Variants in ADAMTSL1 observed in about 807,000 individuals in gnomAD.
ADAMTSL1 encodes the protein ADAMTS like 1, also known as ADAMTS-like protein 1.
Under a neutral mutation model 201.8 loss-of-function variants are expected in ADAMTSL1, and 126 were observed. The ratio of observed to expected loss-of-function variants is 0.62; its 90% CI spans 0.54 to 0.72. The LOEUF (loss-of-function observed/expected upper bound fraction) is 0.72. Among genes scored for constraint, ADAMTSL1 ranks in the 30% least tolerant of loss-of-function variants. The pLI is 0.00. For synonymous variants in ADAMTSL1, 1,121 were observed against 903.4 expected, an observed-to-expected ratio of 1.24 and a Z score of -4.32; for missense variants, 2,679 against 2,277.8, an observed-to-expected ratio of 1.18 and a Z score of -3.59.
intron 2 of ADAMTSL1, among the ~76,000 whole-genome samples, chr9:18,211,004 A>C (rs1436498099): frequency 6.6e-6 from 1 of 151,980 alleles, no homozygotes; most frequent in East Asian, 1.9e-4. Context: ...AGAAGCGACA[A>C]GGTGGGTCTG....
intron 1 of ADAMTSL1, among the ~76,000 whole-genome samples, chr9:18,085,289 C>T (rs1260059765): frequency 7.2e-5 from 11 of 152,016 alleles, no homozygotes; most frequent in South Asian, 6.2e-4. Context: ...ACCAGCTGTG[C>T]GATCTTGGGC....
rs747695906 is a variant in ADAMTSL1, at chr9:18,906,819, G to A, written c.5089G>A (p.Ala1697Thr). The A allele has an allele frequency of 3.7e-6, 6 of 1,613,912 alleles. No individual in the cohort carries two copies. Among genetic ancestry groups the A allele is most frequent in the Non-Finnish European group, 5.1e-6 (6 of 1,179,890 alleles). ...FQSRRVECVH[A>T]RTNKAVPEHL... is the part of the protein sequence containing the mutation. ...GTCCCGGCGTGTGGAGTGTGTGCATGCCCGCACCAACAAGGCAGTGCCTGA... is the reference window on the plus strand; with the variant it reads ...GTCCCGGCGTGTGGAGTGTGTGCATACCCGCACCAACAAGGCAGTGCCTGA... Residue 1697 changes from alanine (A) to threonine (T), a missense_variant, in exon 28 of 29, where the codon GCC (alanine) becomes ACC (threonine). Coordinates refer to ENST00000380548, the MANE Select transcript of ADAMTSL1 (RefSeq NM_001040272.6).
chr9:18,710,738 C>T (rs944572718), intron 14 of ADAMTSL1, among the ~76,000 whole-genome samples: 1 of 146,600 alleles, frequency 6.8e-6, no homozygotes, highest in Non-Finnish European at 1.5e-5. Flanking sequence ...CATTTGGCCA[C>T]CTCAAAGTAG....
At chr9:18,333,034 C>G (rs751954855) in intron 2 of ADAMTSL1, among the ~76,000 whole-genome samples, 1 of 152,188 alleles carries the variant, frequency 6.6e-6, no homozygotes, top group Non-Finnish European at 1.5e-5. Flanking sequence ...TTTCTTTTCT[C>G]TTTCCCACTT....
chr9:18,778,980 C>T (rs1360255767), intron 19 of ADAMTSL1, among the ~76,000 whole-genome samples: 1 of 152,292 alleles, frequency 6.6e-6, no homozygotes, highest in East Asian at 1.9e-4. Context: ...TATTGTTTGA[C>T]TAATAGTCTT....
At chr9:18,186,598 A>G (rs184563690) in intron 2 of ADAMTSL1, among the ~76,000 whole-genome samples, 1 of 152,282 alleles carries the variant, frequency 6.6e-6, no homozygotes, top group Admixed American at 6.5e-5. Context: ...TAAAAAAATT[A>G]TTGCAATATA....
At chr9:18,423,270 A>G (rs1016722359) in intron 2 of ADAMTSL1, among the ~76,000 whole-genome samples, 7 of 152,170 alleles carry the variant, frequency 4.6e-5, no homozygotes, top group African/African-American at 1.7e-4. Context: ...ATGGAAAAAA[A>G]TCATAAATTA....
At chr9:18,542,237 T>C (rs1564031292) in intron 3 of ADAMTSL1, among the ~76,000 whole-genome samples, 1 of 152,188 alleles carries the variant, frequency 6.6e-6, no homozygotes, top group African/African-American at 2.4e-5. Flanking sequence ...TATACATAAT[T>C]GAGTTTTTAT....
chr9:18,399,862 A>T (rs1817917246), intron 2 of ADAMTSL1, among the ~76,000 whole-genome samples: 1 of 152,154 alleles, frequency 6.6e-6, no homozygotes, highest in Admixed American at 6.6e-5. Context: ...GTGCTGGTCC[A>T]AAATGTTCTT....
intron 4 of ADAMTSL1, among the ~76,000 whole-genome samples, chr9:18,607,123 A>G (rs1304984219): frequency 6.6e-6 from 1 of 152,200 alleles, no homozygotes; most frequent in Non-Finnish European, 1.5e-5. Context: ...CTGACAACTC[A>G]ATGCCTAAAT....
At chr9:18,877,988 A>T (rs1006157808) in intron 23 of ADAMTSL1, among the ~76,000 whole-genome samples, 1 of 151,748 alleles carries the variant, frequency 6.6e-6, no homozygotes, top group Non-Finnish European at 1.5e-5. Context: ...TCAGGCCAAC[A>T]AAGTTATATT....
At chr9:18,055,510 T>A (rs941398730) in intron 1 of ADAMTSL1, among the ~76,000 whole-genome samples, 1 of 152,254 alleles carries the variant, frequency 6.6e-6, no homozygotes, top group Non-Finnish European at 1.5e-5. Context: ...CCCTAAGATC[T>A]ACTTGAATGT....
intron 9 of ADAMTSL1, among the ~76,000 whole-genome samples, chr9:18,664,392 A>C (rs939773206): frequency 6.7e-6 from 1 of 149,400 alleles, no homozygotes; most frequent in African/African-American, 2.4e-5. Flanking sequence ...CTGTTTTCTC[A>C]CTCAGATTTA....
chr9:18,179,862 G>C (rs1483805361), intron 2 of ADAMTSL1, among the ~76,000 whole-genome samples: 2 of 151,858 alleles, frequency 1.3e-5, no homozygotes, highest in East Asian at 1.9e-4. Flanking sequence ...CCCTAAAAGA[G>C]CTCCTGAAGG....
At chr9:18,392,015 G>C (rs889128427) in intron 2 of ADAMTSL1, among the ~76,000 whole-genome samples, 1 of 151,542 alleles carries the variant, frequency 6.6e-6, no homozygotes, top group Non-Finnish European at 1.5e-5. Flanking sequence ...AGTAGAGACC[G>C]GGGTTTCACC....
At chr9:18,360,028 A>T (rs1223631719) in intron 2 of ADAMTSL1, among the ~76,000 whole-genome samples, 2 of 152,130 alleles carry the variant, frequency 1.3e-5, no homozygotes, top group African/African-American at 4.8e-5. Flanking sequence ...CTAGCAAAGT[A>T]CTTGGCACTT....
At chr9:18,773,805 C>T (rs369560457) in intron 17 of ADAMTSL1, among the ~76,000 whole-genome samples, 6 of 152,324 alleles carry the variant, frequency 3.9e-5, no homozygotes, top group East Asian at 3.9e-4. Flanking sequence ...AGCCTTAAAA[C>T]GACCATGCTC....
At chr9:18,077,795 C>G (rs1017551285) in intron 1 of ADAMTSL1, among the ~76,000 whole-genome samples, 17 of 152,122 alleles carry the variant, frequency 1.1e-4, no homozygotes, top group African/African-American at 4.1e-4. Flanking sequence ...AAGAGAGAAA[C>G]TGTTGAGGCA....
intron 23 of ADAMTSL1, among the ~76,000 whole-genome samples, chr9:18,838,973 A>G (rs1825520747): frequency 6.7e-6 from 1 of 150,088 alleles, no homozygotes; most frequent in Non-Finnish European, 1.5e-5. Flanking sequence ...CTGTTCAAGT[A>G]TCTTTCAGCA....
Sources: allele counts gnomAD v4.1 joint callset (sites outside exome capture counted in the v4.1 genomes callset), GRCh38; gene constraint gnomAD v4.1.1; transcripts MANE v1.5; gene names NCBI Gene and HGNC (gene_info 2026-07-23, HGNC 2026-07-21).